Variants in ADGRV1 observed in about 807,000 individuals in gnomAD.
ADGRV1 encodes G-protein coupled receptor 98.
In ADGRV1, 359 loss-of-function variants were observed where a neutral mutation model predicts 596.2. The ratio of observed to expected loss-of-function variants is 0.60; its 90% CI spans 0.55 to 0.66. ADGRV1 has a LOEUF of 0.66. ADGRV1 is among the 30% of genes least tolerant of loss of function. ADGRV1 has a pLI of 0.00. For missense variants in ADGRV1, 7,274 were observed against 7,575.6 expected (o/e 0.96, Z 1.48); for synonymous variants, 2,681 against 2,679.2 (o/e 1.00, Z -0.02).
intron 83 of ADGRV1, 80 bp downstream of exon 83, chr5:90,863,937 G>A: frequency 1.1e-6 from 1 of 920,870 alleles, no homozygotes; most frequent in Non-Finnish European, 1.7e-6. Flanking sequence ...GAGTGTAAAA[G>A]TAAAGTTTAA....
chr5:91,019,089 A>G (rs914927753), intron 85 of ADGRV1, among the ~76,000 whole-genome samples: 3 of 151,946 alleles, frequency 2.0e-5, no homozygotes, highest in Admixed American at 6.6e-5. Context: ...TGTTGGCTGC[A>G]TGGATTCAAT....
intron 21 of ADGRV1, among the ~76,000 whole-genome samples, chr5:90,667,662 G>A (rs567069526): frequency 1.7e-4 from 26 of 151,872 alleles, no homozygotes; most frequent in African/African-American, 2.9e-4. Context: ...GAGGAACTGC[G>A]TTCCTTTGGA....
At chr5:90,790,379 T>G (rs1438161459) in intron 69 of ADGRV1, among the ~76,000 whole-genome samples, 1 of 152,240 alleles carries the variant, frequency 6.6e-6, no homozygotes, top group Non-Finnish European at 1.5e-5. Context: ...CCTCTCTTTC[T>G]GTATTGGATA....
At chr5:90,578,772 A>C (rs2151969824) in intron 1 of ADGRV1, among the ~76,000 whole-genome samples, 1 of 152,330 alleles carries the variant, frequency 6.6e-6, no homozygotes, top group East Asian at 1.9e-4. Context: ...GCTATTAATT[A>C]TTGCCATAAT....
intron 86 of ADGRV1, among the ~76,000 whole-genome samples, chr5:91,088,287 C>T (rs898488605): frequency 7.2e-5 from 11 of 152,108 alleles, no homozygotes; most frequent in Non-Finnish European, 1.5e-5. Flanking sequence ...TCCTTCTCCC[C>T]ATCTTTTTCC....
intron 50 of ADGRV1, among the ~76,000 whole-genome samples, chr5:90,736,388 G>A (rs907127760): frequency 1.3e-5 from 2 of 151,726 alleles, no homozygotes; most frequent in African/African-American, 2.4e-5. Flanking sequence ...GTCTTACTAG[G>A]GATTTTTGCA....
intron 50 of ADGRV1, among the ~76,000 whole-genome samples, chr5:90,742,818 T>C (rs1754129105): frequency 1.3e-5 from 2 of 151,700 alleles, no homozygotes; most frequent in African/African-American, 2.4e-5. Context: ...ACCACGGGGG[T>C]TGGTGATAGA....
Position 90,703,969 on chromosome 5 carries a change from C to G in ADGRV1, c.8286+174C>G, listed in dbSNP as rs766797140. Among the ~76,000 whole-genome samples the G allele has an allele frequency of 2.3e-4, 35 of 152,208 alleles. 1 individual carries two copies. Among genetic ancestry groups the G allele is most frequent in the Non-Finnish European group, 3.2e-4 (22 of 67,998 alleles). The stretch of plus-strand genomic sequence containing the variant: ...ATTGTTTTTATCTTCCTTCTCATTG[C>G]CTCAATATTAAGCCAAGCCAATATT... On this transcript the variant is annotated intron_variant, in intron 35 of 89. Transcript: ENST00000405460.
At position 90,648,002 on chromosome 5, in the gene ADGRV1, A is replaced by G. The variant is rs564879823; in HGVS notation, c.3289+238A>G. On this transcript the variant is annotated intron_variant, in intron 17 of 89. Coordinates refer to ENST00000405460, the MANE Select transcript of ADGRV1 (RefSeq NM_032119.4). ...AACCTTTTCTTTATGATATGGCACAAATAGAAAATTCTGATATATAAGTAA... is the reference window on the plus strand; with the variant it reads ...AACCTTTTCTTTATGATATGGCACAGATAGAAAATTCTGATATATAAGTAA... Among the ~76,000 whole-genome samples, 8 of 152,340 alleles carry G rather than the reference A, an allele frequency of 5.3e-5. No homozygotes were observed. The East Asian group carries it at 1.5e-3, about 29-fold the overall frequency.
At chr5:90,905,324 G>A (rs1051151195) in intron 83 of ADGRV1, among the ~76,000 whole-genome samples, 1 of 152,016 alleles carries the variant, frequency 6.6e-6, no homozygotes. Flanking sequence ...ATTGCTTTGG[G>A]TAGTATGGAC....
chr5:90,848,364 C>A (rs1487675616), intron 78 of ADGRV1, among the ~76,000 whole-genome samples: 1 of 152,020 alleles, frequency 6.6e-6, no homozygotes, highest in Non-Finnish European at 1.5e-5. Flanking sequence ...ATTAAATAAT[C>A]TGTGCAGGCA....
intron 38 of ADGRV1, among the ~76,000 whole-genome samples, chr5:90,706,985 A>C (rs1748693258): frequency 6.6e-6 from 1 of 152,032 alleles, no homozygotes. Flanking sequence ...TTCTTAGGGC[A>C]GTCACCTTTG....
At chr5:90,634,843 G>A (rs1041200168) in intron 9 of ADGRV1, among the ~76,000 whole-genome samples, 4 of 152,062 alleles carry the variant, frequency 2.6e-5, no homozygotes, top group Non-Finnish European at 4.4e-5. Flanking sequence ...AGGGAGAGAT[G>A]CAGAGATTAT....
chr5:90,794,852 G>T, intron 70 of ADGRV1, among the ~76,000 whole-genome samples: 1 of 152,088 alleles, frequency 6.6e-6, no homozygotes, highest in East Asian at 1.9e-4. Flanking sequence ...AGGGTAGGGT[G>T]ACGCCTCACC....
rs751075423 is a variant in ADGRV1 at position 90,690,935 on chromosome 5, C to T, written c.6845C>T (p.Thr2282Ile). The change falls in exon 31 of 90, where the codon ACT (threonine) becomes ATT (isoleucine). Residue 2282 changes from threonine (T) to isoleucine (I), a missense_variant. This residue lies in a region of ADGRV1 where 3,643 missense variants were observed against 3,809.2 expected (regional missense o/e 0.96). Coordinates refer to ENST00000405460, the MANE Select transcript of ADGRV1 (RefSeq NM_032119.4). ...GCCACCATTAATGGACAGCTTGCTA[C>T]TGGCGACCTGCGAGTTGTCTCAGGT... ...WVATINGQLA[T>I]GDLRVVSGNV... is the part of the protein sequence containing the mutation. The T allele has an allele frequency of 1.9e-6, 3 of 1,613,870 alleles. No homozygotes were observed. Among genetic ancestry groups the T allele is most frequent in the Non-Finnish European group, 2.5e-6 (3 of 1,179,830 alleles).
intron 85 of ADGRV1, chr5:91,031,310 G>T: frequency 7.0e-7 from 1 of 1,433,314 alleles, no homozygotes; most frequent in East Asian, 2.3e-5. Context: ...ATAGTAAAAT[G>T]CTGCTGCACT....
At chr5:90,627,113 A>G (rs1301350815) in intron 6 of ADGRV1, 98 bp from the exon 7 acceptor site, 3 of 623,642 alleles carry the variant, frequency 4.8e-6, no homozygotes, top group South Asian at 3.7e-5. Flanking sequence ...TTTTATTTCT[A>G]TGTAATTGTA....
At chr5:90,709,769 A>G (rs1443191030) in intron 39 of ADGRV1, among the ~76,000 whole-genome samples, 1 of 152,260 alleles carries the variant, frequency 6.6e-6, no homozygotes, top group Non-Finnish European at 1.5e-5. Context: ...GGCTGTTTAC[A>G]TCAAGTATTA....
intron 72 of ADGRV1, among the ~76,000 whole-genome samples, chr5:90,806,822 A>G (rs1364774379): frequency 6.6e-6 from 1 of 151,686 alleles, no homozygotes; most frequent in Non-Finnish European, 1.5e-5. Context: ...ACACCCATAA[A>G]CTCACTGACT....
Sources: allele counts gnomAD v4.1 joint callset (sites outside exome capture counted in the v4.1 genomes callset), GRCh38; gene constraint gnomAD v4.1.1; regional missense constraint gnomAD v4.1.1; transcripts MANE v1.5; gene names NCBI Gene and HGNC (gene_info 2026-07-23, HGNC 2026-07-21).